ZNF385D: variants seen among roughly 807,000 people sequenced by gnomAD.
ZNF385D encodes zinc finger protein 659.
ZNF385D carries 15 observed loss-of-function variants against 35.8 expected under a neutral mutation model. That is an observed-to-expected ratio of 0.42 (90% CI 0.28 to 0.64). The LOEUF is 0.64. ZNF385D is among the 30% of genes least tolerant of loss of function. The pLI, the probability that ZNF385D is intolerant of heterozygous loss-of-function variation, is 0.23. For missense variants in ZNF385D, 474 were observed against 494.6 expected (o/e 0.96, Z 0.39); for synonymous variants, 212 against 186.8 (o/e 1.13, Z -1.10).
At chr3:21,550,906 T>G (rs1463084364) in intron 3 of ZNF385D, among the ~76,000 whole-genome samples, 2 of 152,230 alleles carry the variant, frequency 1.3e-5, no homozygotes, top group Non-Finnish European at 2.9e-5. Context: ...TCTTCCCTTC[T>G]GATTTATCAA....
intron 3 of ZNF385D, among the ~76,000 whole-genome samples, chr3:22,129,058 C>T (rs75712852): frequency 2.0e-5 from 3 of 152,282 alleles, no homozygotes; most frequent in Non-Finnish European, 4.4e-5. Flanking sequence ...ACCCTATGCC[C>T]AGCAACTCTA....
intron 3 of ZNF385D, among the ~76,000 whole-genome samples, chr3:22,022,564 A>G (rs1434809405): frequency 6.6e-6 from 1 of 152,172 alleles, no homozygotes; most frequent in Non-Finnish European, 1.5e-5. Flanking sequence ...GAAATGATTT[A>G]TCATAAATTC....
intron 3 of ZNF385D, among the ~76,000 whole-genome samples, chr3:22,108,910 G>A (rs1325348325): frequency 6.6e-6 from 1 of 152,122 alleles, no homozygotes; most frequent in Non-Finnish European, 1.5e-5. Context: ...TACTTGGAAG[G>A]CTGAGGCAGG....
chr3:22,113,589 G>C (rs953414637), intron 3 of ZNF385D, among the ~76,000 whole-genome samples: 49 of 152,042 alleles, frequency 3.2e-4, no homozygotes, highest in African/African-American at 1.1e-3. Flanking sequence ...GTCAATAAAG[G>C]TAGTGCTGAC....
chr3:21,922,933 A>G (rs564187196), intron 3 of ZNF385D, among the ~76,000 whole-genome samples: 1 of 152,330 alleles, frequency 6.6e-6, no homozygotes, highest in East Asian at 1.9e-4. Flanking sequence ...ATAGCTGAAC[A>G]AACAAAAAAC....
At chr3:21,757,927 A>G (rs999203189) in intron 3 of ZNF385D, among the ~76,000 whole-genome samples, 1 of 152,182 alleles carries the variant, frequency 6.6e-6, no homozygotes, top group Non-Finnish European at 1.5e-5. Flanking sequence ...TGTTGAGTGA[A>G]TAAATCTATT....
intron 2 of ZNF385D, among the ~76,000 whole-genome samples, chr3:21,624,582 G>A (rs543433499): frequency 3.9e-5 from 6 of 151,924 alleles, no homozygotes; most frequent in Non-Finnish European, 8.8e-5. Context: ...GTGGAAATCC[G>A]GGCAGCTGGG....
At chr3:21,864,990 C>CTTCTTTTTT (rs532289477) in intron 3 of ZNF385D, among the ~76,000 whole-genome samples, 2 of 112,178 alleles carry the variant, frequency 1.8e-5, no homozygotes, top group African/African-American at 7.1e-5. Context: ...TGGAACAATG[C>CTTCTTTTTT]TTTTTTTTTT....
intron 2 of ZNF385D, among the ~76,000 whole-genome samples, chr3:21,647,076 A>G (rs983905042): frequency 1.3e-5 from 2 of 152,240 alleles, no homozygotes; most frequent in African/African-American, 4.8e-5. Context: ...GATTTTTAAT[A>G]TTATATTTAC....
intron 3 of ZNF385D, among the ~76,000 whole-genome samples, chr3:21,803,338 A>C (rs2125689904): frequency 6.6e-6 from 1 of 152,278 alleles, no homozygotes. Flanking sequence ...TCTTCCTTAA[A>C]ATTTCATTTT....
At chr3:21,782,216 C>T (rs1426197908) in intron 3 of ZNF385D, among the ~76,000 whole-genome samples, 1 of 152,016 alleles carries the variant, frequency 6.6e-6, no homozygotes, top group East Asian at 1.9e-4. Context: ...TTCAGTTGCC[C>T]CAGCAAGGAA....
intron 3 of ZNF385D, among the ~76,000 whole-genome samples, chr3:21,965,748 A>C (rs542523263): frequency 9.5e-4 from 144 of 152,322 alleles, no homozygotes; most frequent in Non-Finnish European, 1.7e-3. Flanking sequence ...CTGTGGTAAG[A>C]GGATATCCTT....
rs548685870 is a variant in ZNF385D, at chr3:21,760,378, A to G, written c.326-95350T>C. On this transcript the variant is annotated intron_variant, in intron 3 of 5. Coordinates refer to the ZNF385D transcript ENST00000494108. ...TTTTCATTAGTTTTGCTGCTATATG[A>G]TCAACTGGATTTCTCTGTACTGGTA... Among the ~76,000 whole-genome samples the G allele has an allele frequency of 2.0e-5, 3 of 152,270 alleles. No individual in the cohort carries two copies. In the South Asian group the frequency reaches 6.2e-4, roughly 32 times the overall value.
intron 2 of ZNF385D, among the ~76,000 whole-genome samples, chr3:22,294,124 T>C (rs1702447128): frequency 6.6e-6 from 1 of 152,010 alleles, no homozygotes; most frequent in Admixed American, 6.6e-5. Context: ...ATTATAAATA[T>C]AACCTTAATA....
intron 1 of ZNF385D, among the ~76,000 whole-genome samples, chr3:21,703,397 C>T (rs1229220549): frequency 6.6e-6 from 1 of 152,066 alleles, no homozygotes; most frequent in Non-Finnish European, 1.5e-5. Flanking sequence ...AGATAGAATT[C>T]AGCTTGAGAT....
chr3:21,998,410 C>G (rs1027908196), intron 3 of ZNF385D, among the ~76,000 whole-genome samples: 4 of 152,304 alleles, frequency 2.6e-5, no homozygotes, highest in South Asian at 2.1e-4. Flanking sequence ...TGGGGTACAC[C>G]TCCATCAAAA....
intron 2 of ZNF385D, among the ~76,000 whole-genome samples, chr3:22,278,460 ACT>A (rs1559494675): frequency 6.6e-6 from 1 of 151,904 alleles, no homozygotes; most frequent in Non-Finnish European, 1.5e-5. Flanking sequence ...TATTCTGCTC[ACT>A]CTCTTTTCTG....
At chr3:21,739,915 A>T (rs1461769064) in intron 1 of ZNF385D, among the ~76,000 whole-genome samples, 3 of 152,158 alleles carry the variant, frequency 2.0e-5, no homozygotes, top group Non-Finnish European at 4.4e-5. Context: ...CACTCTATAG[A>T]GTATCATTTA....
At chr3:22,344,177 G>GGTGTGTGTGT (rs571896117) in intron 2 of ZNF385D, among the ~76,000 whole-genome samples, 20,209 of 140,588 alleles carry the variant, frequency 0.14, 1,563 homozygotes, top group Non-Finnish European at 0.18. Context: ...GGTGGGGTGG[G>GGTGTGTGTGT]GTGTGTGTGT....
Sources: allele counts gnomAD v4.1 joint callset (sites outside exome capture counted in the v4.1 genomes callset), GRCh38; gene constraint gnomAD v4.1.1; transcripts MANE v1.5; gene names NCBI Gene and HGNC (gene_info 2026-07-23, HGNC 2026-07-21).